The following FBXL17 variants were observed in gnomAD, a reference collection of about 807,000 sequenced individuals.
FBXL17 encodes F-box/LRR-repeat protein 17.
Under a neutral mutation model 66.2 loss-of-function variants are expected in FBXL17, and 22 were observed. The ratio of observed to expected loss-of-function variants is 0.33; its 90% confidence interval spans 0.24 to 0.47. FBXL17 has a LOEUF of 0.47. FBXL17 is among the 20% of genes least tolerant of loss of function. The pLI, the probability that FBXL17 is intolerant of heterozygous loss-of-function variation, is 1.00. For synonymous variants in FBXL17, 474 were observed against 400.5 expected (o/e 1.18, Z -2.19); for missense variants, 878 against 948.2 (o/e 0.93, Z 0.97).
chr5:108,194,786 A>G (rs1353959820), intron 5 of FBXL17, among the ~76,000 whole-genome samples: 1 of 152,178 alleles, frequency 6.6e-6, no homozygotes, highest in Non-Finnish European at 1.5e-5. Flanking sequence ...ATAACCAGCG[A>G]ACATAAAAAA....
rs1471082551 is a variant in FBXL17 at position 107,860,882 on chromosome 5, A to G, written c.*838T>C. 6.6e-6 allele frequency: 1 copy of G among 152,246 alleles called. No homozygotes were observed. The highest frequency in any genetic ancestry group is 1.5e-5 in the Non-Finnish European group (1 of 68,040). 9.4% of individuals were successfully genotyped at this position (152,246 alleles called of 1,614,324 possible). On this transcript the variant is annotated 3_prime_UTR_variant, in exon 9 of 9. Transcript: ENST00000542267. ...ACCATTAATTACATTGGTGGCTTCA[A>G]TGCTAAGATTAGTTTCAAATATCAT...
chr5:108,122,903 C>T (rs1057127690), intron 6 of FBXL17, among the ~76,000 whole-genome samples: 6 of 152,024 alleles, frequency 3.9e-5, no homozygotes, highest in African/African-American at 1.2e-4. Flanking sequence ...GCAGTGCTAT[C>T]GCACTCATTA....
At chr5:108,001,593 T>C (rs1580311078) in intron 7 of FBXL17, among the ~76,000 whole-genome samples, 1 of 151,966 alleles carries the variant, frequency 6.6e-6, no homozygotes, top group Non-Finnish European at 1.5e-5. Flanking sequence ...CTCCACCTCC[T>C]GGGTTCAAGC....
At chr5:108,283,488 G>A (rs922222016) in intron 4 of FBXL17, among the ~76,000 whole-genome samples, 1 of 151,448 alleles carries the variant, frequency 6.6e-6, no homozygotes, top group African/African-American at 2.4e-5. Flanking sequence ...CCATATGAAG[G>A]ATAAAACTGG....
intron 6 of FBXL17, among the ~76,000 whole-genome samples, chr5:108,084,366 C>G (rs1176025705): frequency 6.6e-6 from 1 of 152,178 alleles, no homozygotes; most frequent in Non-Finnish European, 1.5e-5. Flanking sequence ...TACTTATCTA[C>G]CAATCGGTTT....
chr5:107,973,197 G>A (rs560165643), intron 7 of FBXL17, among the ~76,000 whole-genome samples: 2 of 152,214 alleles, frequency 1.3e-5, no homozygotes, highest in Admixed American at 6.5e-5. Context: ...AGAGCTAAAC[G>A]TGCCTTATGC....
intron 7 of FBXL17, among the ~76,000 whole-genome samples, chr5:107,949,085 T>C (rs991961557): frequency 6.6e-6 from 1 of 151,992 alleles, no homozygotes; most frequent in African/African-American, 2.4e-5. Context: ...GCTTAGGGCA[T>C]TTTCACAGTT....
At chr5:107,879,544 G>C (rs1232771951) in intron 8 of FBXL17, 18 of 985,260 alleles carry the variant, frequency 1.8e-5, no homozygotes, top group Non-Finnish European at 2.0e-5. Flanking sequence ...AACATAACTA[G>C]CTGGCAAAGG....
chr5:108,055,280 GAAAAAAAAAAAA>G (rs1000211060), intron 6 of FBXL17, among the ~76,000 whole-genome samples: 3 of 23,690 alleles, frequency 1.3e-4, no homozygotes, highest in Non-Finnish European at 1.6e-4. Context: ...AGAATTTTTA[GAAAAAAAAAAAA>G]AAAAAAAAAA....
chr5:108,365,077 TAAAC>T, intron 2 of FBXL17, 82 bp from the exon 3 acceptor site: 1 of 944,518 alleles, frequency 1.1e-6, no homozygotes. Context: ...TGTTCCACAA[TAAAC>T]AATATACTAA....
At chr5:108,217,775 T>A (rs746966094) in intron 5 of FBXL17, among the ~76,000 whole-genome samples, 8 of 152,068 alleles carry the variant, frequency 5.3e-5, no homozygotes, top group South Asian at 2.1e-4. Flanking sequence ...ACCTCCTCAA[T>A]CCTTTCCCTC....
At chr5:108,259,123 T>C (rs1419085107) in intron 4 of FBXL17, among the ~76,000 whole-genome samples, 1 of 152,050 alleles carries the variant, frequency 6.6e-6, no homozygotes, top group Admixed American at 6.6e-5. Context: ...ACAATTAGAA[T>C]TGAAGAAAAG....
chr5:108,108,736 C>T (rs944001217), intron 6 of FBXL17, among the ~76,000 whole-genome samples: 2 of 151,938 alleles, frequency 1.3e-5, no homozygotes, highest in African/African-American at 4.8e-5. Flanking sequence ...AGGAAAAGCA[C>T]CCCCATTATA....
At chr5:107,930,229 C>A (rs1750684084) in intron 7 of FBXL17, among the ~76,000 whole-genome samples, 1 of 152,150 alleles carries the variant, frequency 6.6e-6, no homozygotes, top group African/African-American at 2.4e-5. Context: ...TCCACCAATC[C>A]AACTTCTTGT....
intron 1 of FBXL17, among the ~76,000 whole-genome samples, chr5:108,378,007 C>A (rs1329876302): frequency 6.6e-6 from 1 of 152,054 alleles, no homozygotes; most frequent in Non-Finnish European, 1.5e-5. Flanking sequence ...ATTTGTTTAT[C>A]CAAGTGAAGA....
chr5:108,364,865 C>T lies in FBXL17; in HGVS notation c.1247G>A (p.Arg416Lys), dbSNP rs1748560127. 1 of 1,612,942 alleles carries T rather than the reference C, an allele frequency of 6.2e-7. No individual in the cohort carries two copies. The highest frequency in any genetic ancestry group is 8.5e-7 in the Non-Finnish European group (1 of 1,179,378). ...VLAFKCPGLL[R>K]YTAYRCKQLS... ...CTGTTTACACCTGTAGGCTGTATAC[C>T]TAAGAAGTCCAGGACATTTAAATGC... Residue 416 changes from arginine (R) to lysine (K), a missense_variant, in exon 3 of 9, where the codon AGG becomes AAG. By Grantham distance (26) the Arg-to-Lys change is conservative. Coordinates refer to ENST00000542267, the MANE Select transcript of FBXL17 (RefSeq NM_001163315.3).
chr5:107,946,253 TTTTATATATA>T (rs1751273784), intron 7 of FBXL17, among the ~76,000 whole-genome samples: 2 of 63,490 alleles, frequency 3.2e-5, no homozygotes, highest in African/African-American at 1.2e-4. Flanking sequence ...ATCAATCTCA[TTTTATATATA>T]TATATATATA....
intron 4 of FBXL17, among the ~76,000 whole-genome samples, chr5:108,234,189 C>T (rs749715070): frequency 5.9e-5 from 9 of 152,218 alleles, no homozygotes; most frequent in Non-Finnish European, 1.0e-4. Context: ...GTGGATTACT[C>T]TACTTATAAA....
chr5:108,067,939 G>A (rs1218475660), intron 6 of FBXL17, among the ~76,000 whole-genome samples: 1 of 152,180 alleles, frequency 6.6e-6, no homozygotes, highest in East Asian at 1.9e-4. Context: ...CAAATCGTGT[G>A]GTGAGATCTC....
Sources: gnomAD v4.1 joint callset for allele counts (sites outside exome capture counted in the v4.1 genomes callset) on GRCh38, gnomAD v4.1.1 for gene constraint, MANE v1.5 for transcripts, NCBI Gene and HGNC (gene_info 2026-07-23, HGNC 2026-07-21) for gene names.